BNC2: variants seen among roughly 807,000 people sequenced by gnomAD.
BNC2 encodes the protein basonuclin zinc finger protein 2.
In BNC2, 20 loss-of-function variants were observed where a neutral mutation model predicts 76.3. The observed-to-expected ratio is 0.26, with a 90% CI of 0.18 to 0.38. The LOEUF (loss-of-function observed/expected upper bound fraction) is 0.38, where lower values mean the gene tolerates loss of function less well. BNC2 is among the 10% of genes least tolerant of loss of function. The pLI, the probability that BNC2 is intolerant of heterozygous loss-of-function variation, is 1.00. For synonymous variants in BNC2, 582 were observed against 514.8 expected, an observed-to-expected ratio of 1.13 and a Z score of -1.77; for missense variants, 1,382 against 1,399.8, an observed-to-expected ratio of 0.99 and a Z score of 0.20.
At chr9:16,835,881 C>G (rs1342302954) in intron 1 of BNC2, among the ~76,000 whole-genome samples, 2 of 152,106 alleles carry the variant, frequency 1.3e-5, no homozygotes, top group African/African-American at 4.8e-5. Context: ...TTTTCCCAGA[C>G]TTACCAGTTT....
chr9:16,518,243 C>T (rs879304741), intron 5 of BNC2, among the ~76,000 whole-genome samples: 4 of 152,122 alleles, frequency 2.6e-5, no homozygotes, highest in Non-Finnish European at 5.9e-5. Context: ...GCCTGGGCAA[C>T]ATAGGGAGAC....
At chr9:16,498,103 A>T (rs1044326623) in intron 5 of BNC2, among the ~76,000 whole-genome samples, 1 of 146,788 alleles carries the variant, frequency 6.8e-6, no homozygotes, top group Non-Finnish European at 1.5e-5. Flanking sequence ...TCATATATAT[A>T]TTCTATCATA....
intron 3 of BNC2, among the ~76,000 whole-genome samples, chr9:16,604,268 T>A (rs997886670): frequency 6.6e-6 from 1 of 152,158 alleles, no homozygotes; most frequent in East Asian, 1.9e-4. Flanking sequence ...AAACACTTTA[T>A]AAAAGAGAAG....
intron 3 of BNC2, among the ~76,000 whole-genome samples, chr9:16,649,672 G>C (rs1328101236): frequency 3.9e-5 from 6 of 152,148 alleles, no homozygotes; most frequent in Non-Finnish European, 7.4e-5. Flanking sequence ...TTATGTTCAA[G>C]TGGCACAATC....
At chr9:16,470,232 C>T (rs1821793679) in intron 5 of BNC2, among the ~76,000 whole-genome samples, 1 of 151,994 alleles carries the variant, frequency 6.6e-6, no homozygotes, top group Non-Finnish European at 1.5e-5. Context: ...CTCCTGACCT[C>T]ATGATCCGCC....
In BNC2 at chr9:16,583,093, A is replaced by G; in HGVS notation, c.331-8T>C. On this transcript the variant is annotated splice_region_variant and splice_polypyrimidine_tract_variant and intron_variant, in intron 3 of 6. Transcript: ENST00000380672. ...CAGTGTGCAACGGATGGCCTGAAAA[A>G]TAAAGGAGGAAAAAAAGGTCAGCAT... 1.9e-6 allele frequency: 3 copies of G among 1,611,880 alleles called. No homozygotes were observed. The highest frequency in any genetic ancestry group is 2.5e-6 in the Non-Finnish European group (3 of 1,178,068).
chr9:16,460,026 A>G (rs953928619), intron 5 of BNC2, among the ~76,000 whole-genome samples: 7 of 152,310 alleles, frequency 4.6e-5, no homozygotes, highest in Non-Finnish European at 1.0e-4. Flanking sequence ...TGTTTGCCCT[A>G]AAGACTATTT....
At chr9:16,773,730 T>C (rs1219662881) in intron 1 of BNC2, among the ~76,000 whole-genome samples, 2 of 152,186 alleles carry the variant, frequency 1.3e-5, no homozygotes, top group Non-Finnish European at 2.9e-5. Context: ...TCTTACACTG[T>C]GTATGGTCTT....
chr9:16,631,805 A>G lies in BNC2; in HGVS notation c.331-48720T>C, dbSNP rs541767915. Among the ~76,000 whole-genome samples the G allele has an allele frequency of 2.0e-5, 3 of 152,350 alleles. No individual in the cohort carries two copies. The South Asian group carries it at 6.2e-4, about 32-fold the overall frequency. On this transcript the variant is annotated intron_variant, in intron 3 of 6. Coordinates refer to ENST00000380672, the MANE Select transcript of BNC2 (RefSeq NM_017637.6). ...ACAGAGATTTCCAGAGAAACAGAAGAAGGCACCAACTCAGGTAGGGCTTTA... is the reference window on the plus strand; with the variant it reads ...ACAGAGATTTCCAGAGAAACAGAAGGAGGCACCAACTCAGGTAGGGCTTTA...
intron 4 of BNC2, among the ~76,000 whole-genome samples, chr9:16,565,727 G>A (rs142673919): frequency 6.6e-6 from 1 of 151,810 alleles, no homozygotes; most frequent in Admixed American, 6.6e-5. Context: ...AGGATCACTT[G>A]AGCCTGGGAG....
intron 1 of BNC2, among the ~76,000 whole-genome samples, chr9:16,827,635 G>A (rs1425092870): frequency 2.0e-5 from 3 of 152,126 alleles, no homozygotes; most frequent in Non-Finnish European, 2.9e-5. Context: ...AATGGGGTGC[G>A]TGCAAAGGAG....
intron 1 of BNC2, among the ~76,000 whole-genome samples, chr9:16,844,216 A>C (rs1207557972): frequency 6.6e-6 from 1 of 152,106 alleles, no homozygotes; most frequent in African/African-American, 2.4e-5. Flanking sequence ...CTAGTTTACC[A>C]AACACTGACA....
At chr9:16,449,066 G>C (rs1821286278) in intron 5 of BNC2, among the ~76,000 whole-genome samples, 1 of 152,110 alleles carries the variant, frequency 6.6e-6, no homozygotes, top group East Asian at 1.9e-4. Flanking sequence ...AATAATCAGA[G>C]TAAACAATCA....
intron 5 of BNC2, among the ~76,000 whole-genome samples, chr9:16,459,467 G>T (rs1821527456): frequency 6.6e-6 from 1 of 152,094 alleles, no homozygotes; most frequent in Admixed American, 6.6e-5. Context: ...GAAGGCTCTG[G>T]GCAAAATGAA....
At chr9:16,592,795 C>G (rs994236897) in intron 3 of BNC2, among the ~76,000 whole-genome samples, 2 of 152,104 alleles carry the variant, frequency 1.3e-5, no homozygotes, top group African/African-American at 4.8e-5. Flanking sequence ...AGACATAATG[C>G]AGCACATCTT....
rs896304406 is a variant in BNC2 at position 16,414,431 on chromosome 9, G to A, written c.*4558C>T. The A allele has an allele frequency of 2.6e-5, 4 of 152,156 alleles. No homozygotes were observed. Among genetic ancestry groups the A allele is most frequent in the Admixed American group, 6.5e-5 (1 of 15,274 alleles). The allele number at this position is 152,156 out of a possible 1,614,324, so 9.4% of individuals were successfully genotyped here. ...GATCCATCCCCAAAAAATAAACAATGAGAGGGAAAAGCAAAACCACCTAAT... is the reference window on the plus strand; with the variant it reads ...GATCCATCCCCAAAAAATAAACAATAAGAGGGAAAAGCAAAACCACCTAAT... On this transcript the variant is annotated 3_prime_UTR_variant, in exon 7 of 7. Coordinates refer to ENST00000380672, the MANE Select transcript of BNC2 (RefSeq NM_017637.6).
intron 4 of BNC2, among the ~76,000 whole-genome samples, chr9:16,566,477 G>A (rs969086168): frequency 1.3e-5 from 2 of 152,284 alleles, no homozygotes; most frequent in East Asian, 1.9e-4. Flanking sequence ...GTAAGGTGGC[G>A]CTGCTAGCTA....
At chr9:16,777,429 G>A (rs1015534772) in intron 1 of BNC2, among the ~76,000 whole-genome samples, 9 of 152,048 alleles carry the variant, frequency 5.9e-5, no homozygotes, top group African/African-American at 1.7e-4. Context: ...GGCTGGACAC[G>A]GTGGCTCACG....
At chr9:16,699,963 G>A (rs747208733) in intron 3 of BNC2, among the ~76,000 whole-genome samples, 3 of 152,140 alleles carry the variant, frequency 2.0e-5, no homozygotes, top group Non-Finnish European at 2.9e-5. Context: ...TGTTTTACAA[G>A]CAATTTATTT....
Sources: gnomAD v4.1 joint callset for allele counts (sites outside exome capture counted in the v4.1 genomes callset) on GRCh38, gnomAD v4.1.1 for gene constraint, MANE v1.5 for transcripts, NCBI Gene and HGNC (gene_info 2026-07-23, HGNC 2026-07-21) for gene names.